The following EFCAB5 variants were observed in gnomAD, a reference collection of about 807,000 sequenced individuals.
EFCAB5 encodes EF-hand calcium binding domain 5.
EFCAB5 carries 131 observed loss-of-function variants against 167.9 expected under a neutral mutation model. The ratio of observed to expected loss-of-function variants is 0.78; its 90% CI spans 0.68 to 0.90. The LOEUF is 0.90. Ranked by LOEUF, EFCAB5 falls within the 40% of genes least tolerant of loss-of-function variation. The probability of loss-of-function intolerance (pLI) is 0.00; values close to 1 mark genes in which losing one functional copy is unlikely to be tolerated. For synonymous variants in EFCAB5, 574 were observed against 602.8 expected, an observed-to-expected ratio of 0.95 and a Z score of 0.70; for missense variants, 1,663 against 1,745.2, an observed-to-expected ratio of 0.95 and a Z score of 0.84.
At chr17:30,009,197 C>T (rs1336486551) in intron 7 of EFCAB5, among the ~76,000 whole-genome samples, 1 of 152,188 alleles carries the variant, frequency 6.6e-6, no homozygotes, top group Non-Finnish European at 1.5e-5. Context: ...GAAGCATTTA[C>T]AGATCCAGGG....
chr17:30,041,644 A>C (rs2069777503), intron 8 of EFCAB5, among the ~76,000 whole-genome samples: 1 of 152,248 alleles, frequency 6.6e-6, no homozygotes, highest in Non-Finnish European at 1.5e-5. Flanking sequence ...TTTTGAAAGA[A>C]GTTCTACTGT....
intron 12 of EFCAB5, among the ~76,000 whole-genome samples, chr17:30,057,271 G>A (rs925088360): frequency 7.9e-5 from 12 of 152,066 alleles, no homozygotes; most frequent in Non-Finnish European, 1.0e-4. Context: ...TCCATGTTGT[G>A]ACAAAAATGG....
intron 14 of EFCAB5, among the ~76,000 whole-genome samples, chr17:30,076,731 A>G (rs2070875783): frequency 1.3e-5 from 2 of 152,362 alleles, no homozygotes; most frequent in Non-Finnish European, 1.5e-5. Context: ...TCTTGCACAT[A>G]TGCACCAGGA....
At chr17:29,963,894 A>C (rs917087059) in intron 3 of EFCAB5, among the ~76,000 whole-genome samples, 1 of 152,086 alleles carries the variant, frequency 6.6e-6, no homozygotes, top group Non-Finnish European at 1.5e-5. Context: ...TCACTCTATG[A>C]GTTCATGTGA....
intron 17 of EFCAB5, 149 bp from the exon 18 acceptor site, chr17:30,082,742 C>G (rs1244870612): frequency 1.2e-6 from 1 of 812,128 alleles, no homozygotes; most frequent in Non-Finnish European, 1.8e-6. Context: ...GAATCTGGAA[C>G]ACTGCCCTTT....
At chr17:30,027,450 T>C (rs900508056) in intron 7 of EFCAB5, among the ~76,000 whole-genome samples, 103 of 151,958 alleles carry the variant, frequency 6.8e-4, no homozygotes, top group African/African-American at 2.4e-3. Context: ...GTTGTCCCAA[T>C]GGAATGATGA....
At chr17:30,093,749 C>T (rs948634000) in intron 22 of EFCAB5, among the ~76,000 whole-genome samples, 1 of 152,108 alleles carries the variant, frequency 6.6e-6, no homozygotes, top group Non-Finnish European at 1.5e-5. Flanking sequence ...CAGAAAATAG[C>T]CCATAGGCTC....
chr17:30,043,367 T>G (rs562106934), intron 8 of EFCAB5, among the ~76,000 whole-genome samples: 1 of 152,300 alleles, frequency 6.6e-6, no homozygotes, highest in Non-Finnish European at 1.5e-5. Context: ...CTCACCACTT[T>G]TATTTTACAT....
intron 21 of EFCAB5, 50 bp from the exon 22 acceptor site, chr17:30,092,789 AT>A (rs1361703971): frequency 7.3e-7 from 1 of 1,361,798 alleles, no homozygotes; most frequent in Non-Finnish European, 1.0e-6. Flanking sequence ...TGGGCACTGT[AT>A]TTCTGCTTCC....
At chr17:30,102,825 CT>C (rs112651395) in intron 22 of EFCAB5, among the ~76,000 whole-genome samples, 8,749 of 151,704 alleles carry the variant, frequency 0.058, 824 homozygotes, top group African/African-American at 0.2. Flanking sequence ...AAGGACTTTT[CT>C]TTTTTTCTTT....
chr17:30,060,658 T>G (rs577729119), intron 14 of EFCAB5, among the ~76,000 whole-genome samples: 2 of 152,358 alleles, frequency 1.3e-5, no homozygotes, highest in African/African-American at 4.8e-5. Flanking sequence ...GTTTATTGAT[T>G]GTCATGTTCT....
chr17:29,969,829 A>G (rs1228492026), intron 4 of EFCAB5, among the ~76,000 whole-genome samples: 3 of 152,156 alleles, frequency 2.0e-5, no homozygotes, highest in African/African-American at 7.2e-5. Context: ...ATCCTTATAG[A>G]ATTTCTTTAT....
intron 3 of EFCAB5, among the ~76,000 whole-genome samples, chr17:29,949,784 T>A (rs2067471461): frequency 6.6e-6 from 1 of 152,202 alleles, no homozygotes; most frequent in African/African-American, 2.4e-5. Context: ...TTGACTACAG[T>A]GGTAACCAAA....
At chr17:30,029,756 T>C (rs2069429302) in intron 7 of EFCAB5, among the ~76,000 whole-genome samples, 1 of 152,212 alleles carries the variant, frequency 6.6e-6, no homozygotes, top group African/African-American at 2.4e-5. Context: ...ATACCTAAGA[T>C]AGATAGTTTC....
chr17:30,059,811 C>T (rs1464194868), intron 14 of EFCAB5, 110 bp downstream of exon 14: 17 of 789,012 alleles, frequency 2.2e-5, no homozygotes, highest in Middle Eastern at 8.2e-4. Context: ...ACTAGATAAC[C>T]CTTCATGTCT....
rs139534359 is a variant in EFCAB5 at position 30,063,956 on chromosome 17, T to C, written c.2737+4255T>C. On this transcript the variant is annotated intron_variant, in intron 14 of 22. Coordinates refer to ENST00000394835, the MANE Select transcript of EFCAB5 (RefSeq NM_198529.4). ...CACAGAGACTATACCATTTCACCTA[T>C]CTGGAAACAATGTCGCCATGTCCAT... Among the ~76,000 whole-genome samples the C allele has an allele frequency of 4.6e-3, 699 of 152,308 alleles. 1 individual carries two copies. Among genetic ancestry groups the C allele is most frequent in the Non-Finnish European group, 5.7e-3 (391 of 68,034 alleles).
rs945934500 is a variant in EFCAB5 at position 30,031,404 on chromosome 17, G to T, written c.1045-2826G>T. On this transcript the variant is annotated intron_variant, in intron 7 of 22. Coordinates refer to ENST00000394835, the MANE Select transcript of EFCAB5 (RefSeq NM_198529.4). ...ACTTTGAGAACCGCTGATCTTGTTG[G>T]GTTTTCTCCTTCTAAAGTTGTTTAT... Among the ~76,000 whole-genome samples the T allele has an allele frequency of 2.8e-4, 42 of 152,216 alleles. 1 individual carries two copies. The highest frequency in any genetic ancestry group is 2.7e-3 in the Admixed American group (42 of 15,286).
intron 8 of EFCAB5, among the ~76,000 whole-genome samples, chr17:30,040,735 T>C (rs373915022): frequency 1.3e-5 from 2 of 152,168 alleles, no homozygotes; most frequent in Non-Finnish European, 2.9e-5. Context: ...AATAAAATAA[T>C]AGACACTAGG....
chr17:30,036,258 A>T (rs956893528), intron 8 of EFCAB5, among the ~76,000 whole-genome samples: 21 of 121,396 alleles, frequency 1.7e-4, no homozygotes, highest in Non-Finnish European at 1.2e-4. Flanking sequence ...TATAGAATAT[A>T]CATATATAAT....
Sources: allele counts gnomAD v4.1 joint callset (sites outside exome capture counted in the v4.1 genomes callset), GRCh38; gene constraint gnomAD v4.1.1; transcripts MANE v1.5; gene names NCBI Gene and HGNC (gene_info 2026-07-23, HGNC 2026-07-21).